The following BMP6 variants were observed in gnomAD, a reference collection of about 807,000 sequenced individuals.
The protein encoded by BMP6 is bone morphogenetic protein 6.
In BMP6, 17 loss-of-function variants were observed where a neutral mutation model predicts 54.1. The observed-to-expected ratio is 0.31, with a 90% CI of 0.22 to 0.47. The LOEUF (loss-of-function observed/expected upper bound fraction) is 0.47, where lower values mean the gene tolerates loss of function less well. Ranked by LOEUF, BMP6 falls within the 20% of genes least tolerant of loss-of-function variation. BMP6 has a pLI of 1.00. For synonymous variants in BMP6, 328 were observed against 291.2 expected (o/e 1.13, Z -1.28); for missense variants, 720 against 690.4 (o/e 1.04, Z -0.48).
At chr6:7,779,201 A>G (rs963699053) in intron 1 of BMP6, among the ~76,000 whole-genome samples, 2 of 152,230 alleles carry the variant, frequency 1.3e-5, no homozygotes, top group Non-Finnish European at 2.9e-5. Context: ...CAAGAAATCC[A>G]GTACGTTATT....
chr6:7,827,232 C>T (rs1004594953), intron 1 of BMP6, among the ~76,000 whole-genome samples: 6 of 152,250 alleles, frequency 3.9e-5, no homozygotes. Flanking sequence ...CCGTCGCCCC[C>T]TGTGCGGACC....
intron 1 of BMP6, among the ~76,000 whole-genome samples, chr6:7,793,937 C>T (rs373572628): frequency 5.9e-5 from 9 of 152,180 alleles, no homozygotes; most frequent in African/African-American, 2.2e-4. Context: ...AGTCCAGGCT[C>T]GCATCTGCTG....
At chr6:7,837,617 C>A (rs910406815) in intron 1 of BMP6, among the ~76,000 whole-genome samples, 1 of 152,082 alleles carries the variant, frequency 6.6e-6, no homozygotes, top group African/African-American at 2.4e-5. Context: ...CAAAGAATGA[C>A]ACAATGGACT....
chr6:7,772,897 C>G (rs1049693703), intron 1 of BMP6, among the ~76,000 whole-genome samples: 18 of 152,184 alleles, frequency 1.2e-4, no homozygotes, highest in Admixed American at 4.6e-4. Flanking sequence ...TGATTACTTT[C>G]ATGCTTGACA....
At chr6:7,820,855 C>T (rs1463957087) in intron 1 of BMP6, among the ~76,000 whole-genome samples, 1 of 152,186 alleles carries the variant, frequency 6.6e-6, no homozygotes, top group Non-Finnish European at 1.5e-5. Flanking sequence ...CTCAGATCAC[C>T]AGGCATTAGA....
Position 7,880,340 on chromosome 6 carries a change from C to G in BMP6, c.1539C>G (p.His513Gln), listed in dbSNP as rs1207065056. ...RNMVVRACGCH is the reference protein window; with the variant it reads ...RNMVVRACGCQ Reference sequence around the variant, plus strand: ...TGGTTGTAAGAGCTTGTGGATGCCACTAACTCGAAACCAGATGCTGGGGAC... The same window carrying G: ...TGGTTGTAAGAGCTTGTGGATGCCAGTAACTCGAAACCAGATGCTGGGGAC... Residue 513 changes from histidine to glutamine, a missense_variant, in exon 7 of 7, where the codon CAC (histidine) becomes CAG (glutamine). Around this residue, in one of 3 missense-constraint regions of BMP6, gnomAD observed 43 missense variants for 54.0 expected, o/e 0.80. Transcript: ENST00000283147. The G allele has an allele frequency of 2.5e-6, 4 of 1,614,080 alleles. No individual in the cohort carries two copies. Among genetic ancestry groups the G allele is most frequent in the Admixed American group, 1.7e-5 (1 of 60,020 alleles).
intron 4 of BMP6, among the ~76,000 whole-genome samples, chr6:7,872,329 T>C (rs1029038667): frequency 2.0e-5 from 3 of 151,098 alleles, no homozygotes; most frequent in African/African-American, 4.9e-5. Flanking sequence ...TATAATTCCA[T>C]GCAGAACCCA....
rs779544660 is a variant in BMP6, at chr6:7,727,324, G to A, written c.369G>A (p.Glu123=). Residue 123 remains glutamate, a synonymous_variant, in exon 1 of 7, where the codon GAG becomes GAA. Coordinates refer to ENST00000283147, the MANE Select transcript of BMP6 (RefSeq NM_001718.6). The stretch of plus-strand genomic sequence containing the variant: ...AGCAGCAGCAGCTGCCTCGCGGAGA[G>A]CCCCCTCCCGGGCGACTGAAGTCCG... ...QQQQQQLPRG[E]PPPGRLKSAP... The A allele has an allele frequency of 4.4e-5, 70 of 1,609,084 alleles. No individual in the cohort carries two copies. Among genetic ancestry groups the A allele is most frequent in the Admixed American group, 4.3e-4 (26 of 59,774 alleles).
At chr6:7,833,609 A>G (rs1758825268) in intron 1 of BMP6, among the ~76,000 whole-genome samples, 1 of 152,180 alleles carries the variant, frequency 6.6e-6, no homozygotes, top group Non-Finnish European at 1.5e-5. Context: ...TGAGATCATA[A>G]AACTGAGTAG....
chr6:7,824,183 A>G (rs1758657255), intron 1 of BMP6, among the ~76,000 whole-genome samples: 1 of 152,162 alleles, frequency 6.6e-6, no homozygotes, highest in African/African-American at 2.4e-5. Context: ...GGTGTCCAAG[A>G]AAGGCAGGAG....
chr6:7,784,555 A>T (rs1039496788), intron 1 of BMP6, among the ~76,000 whole-genome samples: 3 of 152,210 alleles, frequency 2.0e-5, no homozygotes, highest in Non-Finnish European at 4.4e-5. Context: ...TTTTTTAAAA[A>T]TTCATGTCTC....
At chr6:7,879,050 G>A (rs763089803) in intron 4 of BMP6, 24 bp from the exon 5 acceptor site, 82 of 1,601,780 alleles carry the variant, frequency 5.1e-5, no homozygotes, top group East Asian at 8.9e-5. Context: ...TTTGATGGGT[G>A]CATCTTTTGA....
At chr6:7,867,566 T>G (rs558399366) in intron 4 of BMP6, among the ~76,000 whole-genome samples, 1 of 152,326 alleles carries the variant, frequency 6.6e-6, no homozygotes, top group Non-Finnish European at 1.5e-5. Flanking sequence ...TTGGGAAGAA[T>G]AGACACAGGT....
chr6:7,858,407 C>T (rs1759282029), intron 2 of BMP6, among the ~76,000 whole-genome samples: 1 of 152,126 alleles, frequency 6.6e-6, no homozygotes, highest in Non-Finnish European at 1.5e-5. Context: ...GATTTTTAAC[C>T]TGTGCCTGTC....
chr6:7,870,126 C>A (rs1168795529), intron 4 of BMP6, among the ~76,000 whole-genome samples: 1 of 152,172 alleles, frequency 6.6e-6, no homozygotes, highest in African/African-American at 2.4e-5. Context: ...AGCCCCCAAC[C>A]CCTCCCAGGT....
intron 2 of BMP6, among the ~76,000 whole-genome samples, chr6:7,861,247 A>G (rs940800555): frequency 2.6e-5 from 4 of 152,138 alleles, no homozygotes; most frequent in Non-Finnish European, 4.4e-5. Context: ...GCCTTATCAG[A>G]TGTGCCTGTC....
rs1761741479 is a variant in BMP6 at position 7,727,119 on chromosome 6, AGCCGCCGCC to A, written c.166_174del (p.Pro56_Pro58del). On this transcript the variant is annotated inframe_deletion, in exon 1 of 7. Transcript: ENST00000283147. The stretch of plus-strand genomic sequence containing the variant: ...GGCGGGAGCCCCGGCCGCACGGAGC[AGCCGCCGCC>A]GTCGCCGCAGTCCTCCTCGGGCTTC... 6.6e-7 allele frequency: 1 copy of A among 1,519,366 alleles called. No individual in the cohort carries two copies. Among genetic ancestry groups the A allele is most frequent in the Non-Finnish European group, 8.8e-7 (1 of 1,135,326 alleles). The allele number at this position is 1,519,366 out of a possible 1,614,324, so 94.1% of individuals were successfully genotyped here. A position where few individuals can be genotyped will look rare whatever the true frequency, so the allele number is the denominator to read the frequency against.
At chr6:7,757,195 T>C (rs1407354044) in intron 1 of BMP6, among the ~76,000 whole-genome samples, 1 of 152,206 alleles carries the variant, frequency 6.6e-6, no homozygotes, top group African/African-American at 2.4e-5. Context: ...CATAGCATAG[T>C]GTGTTAGTTT....
chr6:7,770,205 TTTATTTAAA>T (rs1266670617), intron 1 of BMP6, among the ~76,000 whole-genome samples: 66 of 152,370 alleles, frequency 4.3e-4, no homozygotes, highest in Middle Eastern at 6.8e-3. Context: ...CAGTGTAAGA[TTTATTTAAA>T]ATGGGAAAAT....
Sources: allele counts gnomAD v4.1 joint callset (sites outside exome capture counted in the v4.1 genomes callset), GRCh38; gene constraint gnomAD v4.1.1; regional missense constraint gnomAD v4.1.1; transcripts MANE v1.5; gene names NCBI Gene and HGNC (gene_info 2026-07-23, HGNC 2026-07-21).